The following NELL1 variants were observed in gnomAD, a reference collection of about 807,000 sequenced individuals.
The protein encoded by NELL1 is protein kinase C-binding protein NELL1.
NELL1 carries 76 observed loss-of-function variants against 107.4 expected under a neutral mutation model. That is an observed-to-expected ratio of 0.71 (90% CI 0.59 to 0.86). NELL1 has a LOEUF of 0.86. Ranked by LOEUF, NELL1 falls within the 40% of genes least tolerant of loss-of-function variation. The probability of loss-of-function intolerance (pLI) is 0.00; values close to 1 mark genes in which losing one functional copy is unlikely to be tolerated. For missense variants in NELL1, 1,024 were observed against 1,005.5 expected (o/e 1.02, Z -0.25); for synonymous variants, 353 against 341.2 (o/e 1.03, Z -0.38).
intron 12 of NELL1, among the ~76,000 whole-genome samples, chr11:20,968,043 C>T (rs1245469232): frequency 6.6e-6 from 1 of 152,134 alleles, no homozygotes; most frequent in Non-Finnish European, 1.5e-5. Flanking sequence ...GCTTTCCAGG[C>T]CTTGTTCAAT....
intron 15 of NELL1, among the ~76,000 whole-genome samples, chr11:21,408,481 C>G (rs1278667748): frequency 6.6e-6 from 1 of 152,036 alleles, no homozygotes; most frequent in Non-Finnish European, 1.5e-5. Context: ...CCTAGAAGCT[C>G]TACTTACAGA....
chr11:20,761,259 A>G (rs1356309945), intron 2 of NELL1, among the ~76,000 whole-genome samples: 1 of 152,182 alleles, frequency 6.6e-6, no homozygotes, highest in Admixed American at 6.5e-5. Context: ...CCCCTCAGGA[A>G]CTATAGCCTC....
rs546492387 is a variant in NELL1, at chr11:21,325,691, T to C, written c.1550-45162T>C. On this transcript the variant is annotated intron_variant, in intron 14 of 19. Transcript: ENST00000357134. ...CACAAGTGTACTTTTAAACAAGCTA[T>C]GAAAAGTGTATTCAATTGTTTAATC... Among the ~76,000 whole-genome samples the C allele has an allele frequency of 3.3e-5, 5 of 152,184 alleles. No homozygotes were observed. The East Asian group carries it at 9.6e-4, about 29-fold the overall frequency.
At chr11:21,261,361 T>C (rs1848527354) in intron 14 of NELL1, among the ~76,000 whole-genome samples, 2 of 151,780 alleles carry the variant, frequency 1.3e-5, no homozygotes, top group African/African-American at 4.8e-5. Flanking sequence ...TTTCCATCCT[T>C]TGAAAGGCTC....
intron 12 of NELL1, among the ~76,000 whole-genome samples, chr11:20,964,047 C>G (rs1851342176): frequency 6.6e-6 from 1 of 152,146 alleles, no homozygotes; most frequent in Non-Finnish European, 1.5e-5. Context: ...CTTTTGTCAG[C>G]TATGATACAA....
chr11:21,242,088 G>T (rs1294282546), intron 14 of NELL1, among the ~76,000 whole-genome samples: 1 of 151,860 alleles, frequency 6.6e-6, no homozygotes, highest in African/African-American at 2.4e-5. Flanking sequence ...GCTCCTAAGT[G>T]AGAAAATGTT....
chr11:21,457,445 T>G (rs1853774959), intron 15 of NELL1, among the ~76,000 whole-genome samples: 1 of 152,184 alleles, frequency 6.6e-6, no homozygotes, highest in Non-Finnish European at 1.5e-5. Context: ...TTGTGAGATT[T>G]TATTGACTGT....
rs752148846 is a variant in NELL1, at chr11:21,575,074, G to C, written c.*52G>C. On this transcript the variant is annotated 3_prime_UTR_variant, in exon 20 of 20. Coordinates refer to ENST00000357134, the MANE Select transcript of NELL1 (RefSeq NM_006157.5). ...AGAATGGACGAAATGACCATCCAAC[G>C]TGATTAAGGATAGGAATCGGTAGTT... is the stretch of plus-strand genomic sequence containing the variant. 2.8e-6 allele frequency: 4 copies of C among 1,446,802 alleles called. No homozygotes were observed. The highest frequency in any genetic ancestry group is 3.9e-6 in the Non-Finnish European group (4 of 1,029,366). The allele number at this position is 1,446,802 out of a possible 1,614,324, so 89.6% of individuals were successfully genotyped here.
chr11:21,404,810 C>CT (rs888485019), intron 15 of NELL1, among the ~76,000 whole-genome samples: 40 of 151,988 alleles, frequency 2.6e-4, no homozygotes, highest in African/African-American at 9.7e-4. Flanking sequence ...CTGCTAGGAT[C>CT]TGTACCTAGG....
At chr11:21,409,096 A>C (rs997923487) in intron 15 of NELL1, among the ~76,000 whole-genome samples, 7 of 152,108 alleles carry the variant, frequency 4.6e-5, no homozygotes, top group African/African-American at 1.7e-4. Context: ...TACCCAAAGG[A>C]CTATAAATCA....
intron 12 of NELL1, among the ~76,000 whole-genome samples, chr11:21,079,343 G>A (rs931891023): frequency 1.3e-4 from 19 of 151,908 alleles, no homozygotes; most frequent in South Asian, 4.1e-4. Flanking sequence ...TGTAACAAGC[G>A]ACACAGAAAA....
chr11:21,212,429 T>C (rs1857517650), intron 13 of NELL1, among the ~76,000 whole-genome samples: 1 of 152,156 alleles, frequency 6.6e-6, no homozygotes, highest in South Asian at 2.1e-4. Flanking sequence ...CCAACTCAGT[T>C]AGAGCAGTCC....
At chr11:21,412,344 A>C (rs1852399521) in intron 15 of NELL1, among the ~76,000 whole-genome samples, 2 of 152,102 alleles carry the variant, frequency 1.3e-5, no homozygotes, top group Non-Finnish European at 2.9e-5. Flanking sequence ...GTAATTAAAT[A>C]ATAGGAGCTA....
intron 16 of NELL1, 113 bp from the exon 17 acceptor site, chr11:21,560,076 C>T: frequency 1.0e-6 from 1 of 998,336 alleles, no homozygotes; most frequent in African/African-American, 1.6e-5. Context: ...TTGGCAGTAC[C>T]TAGCACAAGG....
intron 13 of NELL1, among the ~76,000 whole-genome samples, chr11:21,212,734 G>A (rs1242136934): frequency 6.6e-6 from 1 of 152,198 alleles, no homozygotes; most frequent in Non-Finnish European, 1.5e-5. Flanking sequence ...TGACAAGGTG[G>A]TATAAGGTGG....
At chr11:20,974,414 G>A (rs1237669897) in intron 12 of NELL1, among the ~76,000 whole-genome samples, 1 of 151,442 alleles carries the variant, frequency 6.6e-6, no homozygotes, top group African/African-American at 2.4e-5. Flanking sequence ...TCTGACATCA[G>A]AAATAATTCA....
chr11:21,252,449 C>T (rs1469520973), intron 14 of NELL1, among the ~76,000 whole-genome samples: 1 of 152,144 alleles, frequency 6.6e-6, no homozygotes, highest in East Asian at 1.9e-4. Flanking sequence ...GTGCCTGACA[C>T]TCCCGTTTGA....
intron 14 of NELL1, among the ~76,000 whole-genome samples, chr11:21,349,711 T>G (rs1039575812): frequency 1.3e-5 from 2 of 152,124 alleles, no homozygotes; most frequent in African/African-American, 4.8e-5. Context: ...CTTTATATCT[T>G]TGCTGCTTGT....
chr11:21,169,880 G>A (rs752197909), intron 13 of NELL1: 1 of 1,423,436 alleles, frequency 7.0e-7, no homozygotes, highest in Non-Finnish European at 9.9e-7. Flanking sequence ...ATGTCACCCA[G>A]CACTGGCAGA....
Sources: gnomAD v4.1 joint callset for allele counts (sites outside exome capture counted in the v4.1 genomes callset) on GRCh38, gnomAD v4.1.1 for gene constraint, MANE v1.5 for transcripts, NCBI Gene and HGNC (gene_info 2026-07-23, HGNC 2026-07-21) for gene names.